Variants in NKD1 observed in about 807,000 individuals in gnomAD.
NKD1 encodes NKD inhibitor of Wnt signaling pathway 1.
NKD1 carries 21 observed loss-of-function variants against 56.0 expected under a neutral mutation model. The observed-to-expected ratio is 0.38, with a 90% CI of 0.27 to 0.54. The LOEUF (loss-of-function observed/expected upper bound fraction) is 0.54. Among genes scored for constraint, NKD1 ranks in the 20% least tolerant of loss-of-function variants. The pLI, the probability that NKD1 is intolerant of heterozygous loss-of-function variation, is 0.82. For synonymous variants in NKD1, 263 were observed against 265.7 expected, an observed-to-expected ratio of 0.99 and a Z score of 0.10; for missense variants, 578 against 642.7, an observed-to-expected ratio of 0.90 and a Z score of 1.09.
chr16:50,630,882 T>C lies in NKD1; in HGVS notation c.667T>C (p.Trp223Arg). 1 of 1,605,300 alleles carries C rather than the reference T, an allele frequency of 6.2e-7. No individual in the cohort carries two copies. The highest frequency in any genetic ancestry group is 8.5e-7 in the Non-Finnish European group (1 of 1,176,394). ...CAAGCCCACTGAGGACCTGCGGAGC[T>C]GGGAGAAGAAGCAGCGAGCCCCGCT... ...ETKPTEDLRS[W>R]EKKQRAPLRF... The change falls in exon 8 of 10, where the codon TGG becomes CGG. Residue 223 changes from tryptophan (W) to arginine (R), a missense_variant. By Grantham distance (101) the Trp-to-Arg change is moderately radical. Transcript: ENST00000268459.
chr16:50,621,585 G>A lies in NKD1; in HGVS notation c.260-17G>A, dbSNP rs760170315. On this transcript the variant is annotated splice_polypyrimidine_tract_variant and intron_variant, in intron 4 of 9. Coordinates refer to ENST00000268459, the MANE Select transcript of NKD1 (RefSeq NM_033119.5). ...TGGACCCTGCTCCTAATGCTCCCTCGCCTGCCTCCCCGACAGTGGCCCTGC... is the reference window on the plus strand; with the variant it reads ...TGGACCCTGCTCCTAATGCTCCCTCACCTGCCTCCCCGACAGTGGCCCTGC... The A allele has an allele frequency of 1.0e-5, 16 of 1,598,798 alleles. No homozygotes were observed. The African/African-American group carries it at 1.6e-4, about 16-fold the overall frequency.
At position 50,548,584 on chromosome 16, in the gene NKD1, T is replaced by G; in HGVS notation, c.25+6T>G. On this transcript the variant is annotated splice_donor_region_variant and intron_variant, in intron 1 of 9. Coordinates refer to ENST00000268459, the MANE Select transcript of NKD1 (RefSeq NM_033119.5). ...GAAACTTCACTCCAAGCCGGGTCAGTGCCCCCGCCCGCGCGCTCGCCCCGG... is the reference window on the plus strand; with the variant it reads ...GAAACTTCACTCCAAGCCGGGTCAGGGCCCCCGCCCGCGCGCTCGCCCCGG... 1.4e-6 allele frequency: 2 copies of G among 1,464,076 alleles called. No individual in the cohort carries two copies. Among genetic ancestry groups the G allele is most frequent in the Non-Finnish European group, 1.8e-6 (2 of 1,113,776 alleles). The allele number at this position is 1,464,076 out of a possible 1,614,324, so 90.7% of individuals were successfully genotyped here. A position where few individuals can be genotyped will look rare whatever the true frequency, so the allele number is the denominator to read the frequency against.
rs1378290911 is a variant in NKD1, at chr16:50,634,996, A to C, written c.*1215A>C. 1 of 152,216 alleles carries C rather than the reference A, an allele frequency of 6.6e-6. No homozygotes were observed. The highest frequency in any genetic ancestry group is 1.5e-5 in the Non-Finnish European group (1 of 68,048). The allele number at this position is 152,216 out of a possible 1,614,324, so 9.4% of individuals were successfully genotyped here. A position where few individuals can be genotyped will look rare whatever the true frequency, so the allele number is the denominator to read the frequency against. On this transcript the variant is annotated 3_prime_UTR_variant, in exon 10 of 10. Coordinates refer to ENST00000268459, the MANE Select transcript of NKD1 (RefSeq NM_033119.5). ...TCTGGCCAGAGCCTGGAGAAACCTG[A>C]AAAAGAACCAGTCAGCTAGCCAGGG...
At chr16:50,618,068 T>C (rs1478853847) in intron 4 of NKD1, among the ~76,000 whole-genome samples, 3 of 152,186 alleles carry the variant, frequency 2.0e-5, no homozygotes, top group Non-Finnish European at 4.4e-5. Flanking sequence ...GGGCCAGGTT[T>C]GGCTCAGCAA....
chr16:50,631,793 A>G (rs1962351364), intron 8 of NKD1, among the ~76,000 whole-genome samples: 2 of 152,132 alleles, frequency 1.3e-5, no homozygotes, highest in Non-Finnish European at 2.9e-5. Context: ...ATGTGCACAC[A>G]CACACTCACA....
chr16:50,613,783 T>G (rs1013962596), intron 4 of NKD1: 1 of 152,192 alleles, frequency 6.6e-6, no homozygotes, highest in African/African-American at 2.4e-5. Context: ...CGTGATATTT[T>G]TAGCCCACAG....
Position 50,548,419 on chromosome 16 carries a change from A to G in NKD1, c.-135A>G, listed in dbSNP as rs1018634090. 2.1e-4 allele frequency: 42 copies of G among 202,292 alleles called. No individual in the cohort carries two copies. Among genetic ancestry groups the G allele is most frequent in the African/African-American group, 1.0e-3 (41 of 40,416 alleles). 12.5% of individuals were successfully genotyped at this position (202,292 alleles called of 1,614,324 possible). ...TCAGTCGGGCCGCGGCGACGGCGGC[A>G]GGAGCGCGTCCCGGCGCCGCCTCGG... On this transcript the variant is annotated 5_prime_UTR_variant, in exon 1 of 10. Coordinates refer to ENST00000268459, the MANE Select transcript of NKD1 (RefSeq NM_033119.5).
At position 50,623,698 on chromosome 16, in the gene NKD1, CCAAGCTGTCTTGGAAACAGGTAAGTGCTG is replaced by C. The variant is rs1962143062; in HGVS notation, c.367-1786_367-1758del. ...CAACTCATGTTTCTGAAGCTCAGAC[CCAAGCTGTCTTGGAAACAGGTAAGTGCTG>C]TGTGTGTGTGTGTGTGTGTGTGTGT... On this transcript the variant is annotated intron_variant, in intron 5 of 9. Transcript: ENST00000268459. This position sits in a 1 kb window ranked among gnomAD's most constrained non-coding sequence, Gnocchi z 4.1. Among the ~76,000 whole-genome samples the C allele has an allele frequency of 3.3e-5, 5 of 150,608 alleles. No individual in the cohort carries two copies. The highest frequency in any genetic ancestry group is 5.9e-5 in the Non-Finnish European group (4 of 67,872).
At chr16:50,594,050 G>A (rs985555264) in intron 3 of NKD1, among the ~76,000 whole-genome samples, 12 of 152,092 alleles carry the variant, frequency 7.9e-5, no homozygotes, top group African/African-American at 2.7e-4. Context: ...AGCCTGAAAC[G>A]CGCTGGCTGA....
chr16:50,604,394 C>T (rs780533806), intron 3 of NKD1, among the ~76,000 whole-genome samples: 18 of 152,186 alleles, frequency 1.2e-4, no homozygotes, highest in Non-Finnish European at 2.2e-4. Context: ...GTGAGGGCAC[C>T]TGGGGTCTGG....
At position 50,646,028 on chromosome 16, in the gene NKD1, T is replaced by C. The variant is rs1307791800; in HGVS notation, c.*12247T>C. The C allele has an allele frequency of 6.6e-6, 1 of 151,532 alleles. No homozygotes were observed. The highest frequency in any genetic ancestry group is 1.5e-5 in the Non-Finnish European group (1 of 67,948). 9.4% of individuals were successfully genotyped at this position (151,532 alleles called of 1,614,324 possible). A position where few individuals can be genotyped will look rare whatever the true frequency, so the allele number is the denominator to read the frequency against. On this transcript the variant is annotated 3_prime_UTR_variant, in exon 10 of 10. Transcript: ENST00000268459. Reference sequence around the variant, plus strand: ...AAAAGGCCCCTATGTTCCCACTTTGTGCTTTGCTTCTAACAGACAGCCTGG... The same window carrying C: ...AAAAGGCCCCTATGTTCCCACTTTGCGCTTTGCTTCTAACAGACAGCCTGG...
intron 3 of NKD1, among the ~76,000 whole-genome samples, chr16:50,596,768 G>C (rs369415762): frequency 1.3e-5 from 2 of 152,338 alleles, no homozygotes; most frequent in African/African-American, 4.8e-5. Flanking sequence ...TGTGGGAGAG[G>C]GGGCTGCAGT....
intron 3 of NKD1, chr16:50,573,995 T>A: frequency 6.2e-6 from 6 of 961,334 alleles, no homozygotes; most frequent in Non-Finnish European, 7.4e-6. Context: ...AATGCATGTG[T>A]GTCTATATAT....
At chr16:50,587,281 A>T (rs1012372419) in intron 3 of NKD1, among the ~76,000 whole-genome samples, 1 of 152,198 alleles carries the variant, frequency 6.6e-6, no homozygotes, top group Non-Finnish European at 1.5e-5. Context: ...ACCACTTCCT[A>T]GACTATGTCA....
chr16:50,569,839 G>T (rs1960842769), intron 3 of NKD1, among the ~76,000 whole-genome samples: 1 of 152,180 alleles, frequency 6.6e-6, no homozygotes, highest in South Asian at 2.1e-4. Context: ...GAACCCTCTG[G>T]TTAGGAGTGA....
chr16:50,591,035 C>T (rs537018475), intron 3 of NKD1, among the ~76,000 whole-genome samples: 1 of 152,100 alleles, frequency 6.6e-6, no homozygotes, highest in South Asian at 2.1e-4. Context: ...GTTGGCCAGG[C>T]TGGTCTCGAA....
intron 3 of NKD1, among the ~76,000 whole-genome samples, chr16:50,560,075 C>T (rs1960590726): frequency 2.6e-5 from 4 of 152,174 alleles, no homozygotes; most frequent in Non-Finnish European, 5.9e-5. Context: ...TGTTCCAGGA[C>T]AGTTTTTGAC....
intron 3 of NKD1, among the ~76,000 whole-genome samples, chr16:50,567,545 C>G (rs929112762): frequency 1.3e-5 from 2 of 152,190 alleles, no homozygotes; most frequent in African/African-American, 4.8e-5. Context: ...GCTGTGAGTG[C>G]CTTTTACACT....
chr16:50,575,910 C>T (rs1244266062), intron 3 of NKD1, among the ~76,000 whole-genome samples: 1 of 152,122 alleles, frequency 6.6e-6, no homozygotes, highest in East Asian at 1.9e-4. Context: ...TGGCCTCTAG[C>T]AGGTGGAGGT....
Sources: allele counts gnomAD v4.1 joint callset (sites outside exome capture counted in the v4.1 genomes callset), GRCh38; gene constraint gnomAD v4.1.1; non-coding constraint Gnocchi (gnomAD v3.1); transcripts MANE v1.5; gene names NCBI Gene and HGNC (gene_info 2026-07-23, HGNC 2026-07-21).